Variants in TET2 observed in about 807,000 individuals in gnomAD.
The protein encoded by TET2 is tet methylcytosine dioxygenase 2.
In TET2, 299 loss-of-function variants were observed where a neutral mutation model predicts 142.9. The observed-to-expected ratio is 2.09, with a 90% CI of 1.90 to 2.30. TET2 has a LOEUF of 2.30. Among genes scored for constraint, TET2 ranks in the 30% most tolerant of loss-of-function variants. The pLI is 0.00. For missense variants in TET2, 2,418 were observed against 2,378.0 expected (o/e 1.02, Z -0.35); for synonymous variants, 819 against 849.0 (o/e 0.96, Z 0.61).
intron 6 of TET2, among the ~76,000 whole-genome samples, chr4:105,249,270 C>T (rs1729743912): frequency 6.6e-6 from 1 of 152,170 alleles, no homozygotes; most frequent in African/African-American, 2.4e-5. Context: ...AGTGATCCTT[C>T]TACCTTAGCC....
At position 105,275,188 on chromosome 4, in the gene TET2, T is replaced by TA; in HGVS notation, c.4679dup (p.Tyr1560Ter). Residue 1560 changes from tyrosine to a stop codon, truncating the protein, a stop_gained and frameshift_variant, in exon 11 of 11, where the codon TAT becomes TAAT. Coordinates refer to ENST00000380013, the MANE Select transcript of TET2 (RefSeq NM_001127208.3). LOFTEE classifies it low-confidence loss of function (END_TRUNC). Reference protein sequence around the residue: ...HHPQTESVNSYSASGSTNPYM... With the variant: ...HHPQTESVNS The stretch of plus-strand genomic sequence containing the variant: ...CCCTCAGACAGAGTCTGTCAACTCT[T>TA]ATTCTGCTTCTGGATCCACCAATCC... The TA allele has an allele frequency of 1.3e-6, 2 of 1,552,226 alleles. No homozygotes were observed. The highest frequency in any genetic ancestry group is 8.7e-7 in the Non-Finnish European group (1 of 1,147,104).
rs1189748593 is a variant in TET2, at chr4:105,176,782, G to GTCA, written c.-192-13578_-192-13577insTCA. 1.4e-4 allele frequency among the ~76,000 whole-genome samples: 21 copies of GTCA among 152,238 alleles called. No homozygotes were observed. In the East Asian group the frequency reaches 3.9e-3, roughly 28 times the overall value. On this transcript the variant is annotated intron_variant, in intron 1 of 10. Transcript: ENST00000380013. ...ACAAAAGGATTCTAAAGTTTATATG[G>GTCA]AGAGGCAAAAGAGCAGAATAGCCAA...
rs1728838997 is a variant in TET2 at position 105,235,818 on chromosome 4, C to T, written c.1876C>T (p.Gln626Ter). Residue 626 changes from glutamine to a stop codon, truncating the protein, a stop_gained, in exon 3 of 11, where the codon CAG becomes TAG. Coordinates refer to ENST00000380013, the MANE Select transcript of TET2 (RefSeq NM_001127208.3). LOFTEE classifies it high-confidence loss of function. ...GCAAGCTTACACCCAGAAAACAACA[C>T]AGCTGGAGCACAAGTCACAAATGTA... ...PRQAYTQKTT[Q>*]LEHKSQMYQV... The T allele has an allele frequency of 6.2e-7, 1 of 1,614,088 alleles. No individual in the cohort carries two copies. The highest frequency in any genetic ancestry group is 8.5e-7 in the Non-Finnish European group (1 of 1,180,010).
intron 2 of TET2, among the ~76,000 whole-genome samples, chr4:105,205,652 TGA>T (rs1383861379): frequency 6.6e-6 from 1 of 152,100 alleles, no homozygotes; most frequent in Non-Finnish European, 1.5e-5. Flanking sequence ...TTCTTTTTTT[TGA>T]GTTTTTCACT....
In TET2 at chr4:105,190,524, T is replaced by A. The variant is rs1241557021; in HGVS notation, c.-47+19T>A. The A allele has an allele frequency of 1.4e-6, 1 of 697,476 alleles. No individual in the cohort carries two copies. The highest frequency in any genetic ancestry group is 1.5e-5 in the South Asian group (1 of 66,652). The allele number at this position is 697,476 out of a possible 1,614,324, so 43.2% of individuals were successfully genotyped here. Reference sequence around the variant, plus strand: ...GCTGCTGGTAAGACAGTGGAGACAGTTGACACTTGTTTGTCAAGTATGAAT... The same window carrying A: ...GCTGCTGGTAAGACAGTGGAGACAGATGACACTTGTTTGTCAAGTATGAAT... On this transcript the variant is annotated intron_variant, in intron 2 of 10. Transcript: ENST00000380013.
At chr4:105,224,954 T>C (rs1026088273) in intron 2 of TET2, among the ~76,000 whole-genome samples, 1 of 152,102 alleles carries the variant, frequency 6.6e-6, no homozygotes, top group African/African-American at 2.4e-5. Context: ...AGGATAGACA[T>C]ACATAATATG....
intron 1 of TET2, among the ~76,000 whole-genome samples, chr4:105,183,230 A>G (rs886869325): frequency 1.3e-5 from 2 of 152,142 alleles, no homozygotes; most frequent in Non-Finnish European, 2.9e-5. Flanking sequence ...ATCATTTTGT[A>G]ATATTAAATT....
chr4:105,268,168 A>G (rs1730781400), intron 8 of TET2, among the ~76,000 whole-genome samples: 1 of 152,194 alleles, frequency 6.6e-6, no homozygotes, highest in Non-Finnish European at 1.5e-5. Flanking sequence ...ATGTTTGTCT[A>G]CATAAGAAGT....
At chr4:105,166,411 A>T (rs938620843) in intron 1 of TET2, among the ~76,000 whole-genome samples, 2 of 152,040 alleles carry the variant, frequency 1.3e-5, no homozygotes, top group East Asian at 1.9e-4. Flanking sequence ...AAACATTTTC[A>T]TCATATCACA....
chr4:105,166,284 G>A (rs569399990), intron 1 of TET2, among the ~76,000 whole-genome samples: 1 of 152,170 alleles, frequency 6.6e-6, no homozygotes, highest in South Asian at 2.1e-4. Flanking sequence ...AATTCTTTCA[G>A]TTCCTCAAAA....
intron 1 of TET2, among the ~76,000 whole-genome samples, chr4:105,178,901 G>A (rs918232104): frequency 6.6e-6 from 1 of 152,162 alleles, no homozygotes; most frequent in African/African-American, 2.4e-5. Flanking sequence ...AATTTATAAA[G>A]GAAAGAGATT....
At chr4:105,206,248 C>T (rs1452574590) in intron 2 of TET2, among the ~76,000 whole-genome samples, 1 of 152,218 alleles carries the variant, frequency 6.6e-6, no homozygotes, top group Non-Finnish European at 1.5e-5. Flanking sequence ...CTTTCCCCAG[C>T]TTCGCTGCCT....
chr4:105,179,950 T>C (rs1725019886), intron 1 of TET2, among the ~76,000 whole-genome samples: 1 of 152,228 alleles, frequency 6.6e-6, no homozygotes, highest in South Asian at 2.1e-4. Context: ...ATCTGGTTTT[T>C]AATGGCTACT....
chr4:105,251,917 TGA>T (rs1729886628), intron 6 of TET2, among the ~76,000 whole-genome samples: 1 of 152,220 alleles, frequency 6.6e-6, no homozygotes, highest in Non-Finnish European at 1.5e-5. Context: ...GCACATTGAA[TGA>T]AAGGCACAGA....
chr4:105,245,078 A>G (rs965021095), intron 6 of TET2, among the ~76,000 whole-genome samples: 1 of 152,176 alleles, frequency 6.6e-6, no homozygotes, highest in Non-Finnish European at 1.5e-5. Context: ...AACTCTAACT[A>G]GCATGGTTTT....
chr4:105,273,004 T>C (rs749368613), intron 10 of TET2, 86 bp downstream of exon 10: 1 of 1,077,710 alleles, frequency 9.3e-7, no homozygotes, highest in Non-Finnish European at 1.3e-6. Context: ...CCCCATCAAC[T>C]TGTAAGTTCT....
intron 1 of TET2, among the ~76,000 whole-genome samples, chr4:105,175,829 A>C (rs1311226130): frequency 6.6e-6 from 1 of 152,140 alleles, no homozygotes; most frequent in Non-Finnish European, 1.5e-5. Context: ...CCAGAAGGAA[A>C]AAACACCTAT....
At chr4:105,266,739 T>C (rs1290791270) in intron 8 of TET2, among the ~76,000 whole-genome samples, 1 of 151,852 alleles carries the variant, frequency 6.6e-6, no homozygotes, top group Admixed American at 6.6e-5. Flanking sequence ...AAAATGAATA[T>C]ATAAAAGACC....
At chr4:105,159,113 G>T (rs750356498) in intron 1 of TET2, among the ~76,000 whole-genome samples, 8 of 152,108 alleles carry the variant, frequency 5.3e-5, no homozygotes, top group Non-Finnish European at 7.4e-5. Context: ...TTGTCCGGGA[G>T]CCCTTGTCTG....
Sources: allele counts gnomAD v4.1 joint callset (sites outside exome capture counted in the v4.1 genomes callset), GRCh38; gene constraint gnomAD v4.1.1; transcripts MANE v1.5; gene names NCBI Gene and HGNC (gene_info 2026-07-23, HGNC 2026-07-21).